Variants in HDAC9 observed in about 807,000 individuals in gnomAD.
HDAC9 encodes the protein histone deacetylase 9, also known as MEF-2 interacting transcription repressor (MITR) protein.
HDAC9 carries 41 observed loss-of-function variants against 139.4 expected under a neutral mutation model. That is an observed-to-expected ratio of 0.29 (90% CI 0.23 to 0.38). The LOEUF (loss-of-function observed/expected upper bound fraction) is 0.38. Among genes scored for constraint, HDAC9 ranks in the 10% least tolerant of loss-of-function variants. The pLI is 1.00. For synonymous variants in HDAC9, 517 were observed against 476.2 expected (o/e 1.09, Z -1.12); for missense variants, 1,147 against 1,297.0 (o/e 0.88, Z 1.78).
At chr7:18,590,031 G>A (rs1187229074) in intron 3 of HDAC9, among the ~76,000 whole-genome samples, 1 of 152,112 alleles carries the variant, frequency 6.6e-6, no homozygotes, top group Non-Finnish European at 1.5e-5. Context: ...TATGTTCAAA[G>A]AAAAGTCATT....
At chr7:18,841,264 A>G (rs1311689723) in intron 21 of HDAC9, among the ~76,000 whole-genome samples, 1 of 151,376 alleles carries the variant, frequency 6.6e-6, no homozygotes, top group African/African-American at 2.4e-5. Flanking sequence ...ATTTGCATTC[A>G]CTCTTTTGGT....
At chr7:18,901,870 T>C (rs1171026070) in intron 22 of HDAC9, among the ~76,000 whole-genome samples, 2 of 152,236 alleles carry the variant, frequency 1.3e-5, no homozygotes, top group African/African-American at 4.8e-5. Flanking sequence ...TTTTTATTTG[T>C]CCCAAGAGTA....
chr7:18,196,552 T>C (rs540534373), intron 2 of HDAC9, among the ~76,000 whole-genome samples: 74 of 152,236 alleles, frequency 4.9e-4, no homozygotes, highest in African/African-American at 1.7e-3. Flanking sequence ...TTCTGAATTA[T>C]GAGATGATGG....
At chr7:18,522,360 T>TAAAGCTCC (rs1272851729) in intron 2 of HDAC9, among the ~76,000 whole-genome samples, 1 of 152,118 alleles carries the variant, frequency 6.6e-6, no homozygotes, top group Non-Finnish European at 1.5e-5. Flanking sequence ...TGGAGAGGAC[T>TAAAGCTCC]AAAGCTCCGT....
chr7:18,355,914 G>A (rs1783223104), intron 1 of HDAC9, among the ~76,000 whole-genome samples: 2 of 152,128 alleles, frequency 1.3e-5, no homozygotes, highest in South Asian at 4.1e-4. Context: ...GCTGGGGCAG[G>A]AATGGGTGGG....
At chr7:18,847,585 G>A (rs1324712037) in intron 21 of HDAC9, among the ~76,000 whole-genome samples, 1 of 152,138 alleles carries the variant, frequency 6.6e-6, no homozygotes, top group African/African-American at 2.4e-5. Context: ...GACGCCTCAG[G>A]AGACTCTACA....
At chr7:18,345,572 CAA>C (rs35183114) in intron 1 of HDAC9, among the ~76,000 whole-genome samples, 7,244 of 123,382 alleles carry the variant, frequency 0.059, 215 homozygotes, top group African/African-American at 0.091. Context: ...CAACAGAAGA[CAA>C]AAAAAAAAAA....
At chr7:18,239,829 G>C (rs1794069453) in intron 2 of HDAC9, among the ~76,000 whole-genome samples, 1 of 152,008 alleles carries the variant, frequency 6.6e-6, no homozygotes, top group Non-Finnish European at 1.5e-5. Context: ...TCACAATACT[G>C]GGTAAAAGTT....
chr7:18,663,797 TC>T, intron 11 of HDAC9, among the ~76,000 whole-genome samples: 1 of 152,224 alleles, frequency 6.6e-6, no homozygotes, highest in East Asian at 1.9e-4. Context: ...GCAGCCTCCT[TC>T]ACCTGGCTTG....
In HDAC9 at chr7:19,001,023, A is replaced by G. The variant is rs1786722234; in HGVS notation, c.*4961A>G. 1 of 152,148 alleles carries G rather than the reference A, an allele frequency of 6.6e-6. No individual in the cohort carries two copies. The highest frequency in any genetic ancestry group is 2.4e-5 in the African/African-American group (1 of 41,444). 9.4% of individuals were successfully genotyped at this position (152,148 alleles called of 1,614,324 possible). Reference sequence around the variant, plus strand: ...TGACTTTTTCAAATATTCTTAAAAGATAGATTTAGTTATTGTATTTTGGTC... The same window carrying G: ...TGACTTTTTCAAATATTCTTAAAAGGTAGATTTAGTTATTGTATTTTGGTC... On this transcript the variant is annotated 3_prime_UTR_variant, in exon 26 of 26. Transcript: ENST00000686413.
rs1387828941 is a variant in HDAC9 at position 18,698,797 on chromosome 7, C to CT, written c.1732-28782dup. On this transcript the variant is annotated intron_variant, in intron 12 of 25. Coordinates refer to ENST00000686413, the MANE Select transcript of HDAC9 (RefSeq NM_178425.4). ...CAGGGAGGAGGCAACTCTGATTTCTCTATTTTTTTCTTTTACAATATTAAT... is the reference window on the plus strand; with the variant it reads ...CAGGGAGGAGGCAACTCTGATTTCTCTTATTTTTTTCTTTTACAATATTAAT... Among the ~76,000 whole-genome samples the CT allele has an allele frequency of 7.2e-5, 11 of 152,176 alleles. 1 individual carries two copies. Among genetic ancestry groups the CT allele is most frequent in the Admixed American group, 6.5e-4 (10 of 15,276 alleles).
intron 24 of HDAC9, among the ~76,000 whole-genome samples, chr7:18,959,035 A>G (rs1029290001): frequency 3.9e-5 from 6 of 152,188 alleles, no homozygotes; most frequent in African/African-American, 1.4e-4. Context: ...AATAACTCTC[A>G]TATGGATGTT....
At chr7:18,231,404 C>T (rs1254334164) in intron 2 of HDAC9, among the ~76,000 whole-genome samples, 1 of 152,190 alleles carries the variant, frequency 6.6e-6, no homozygotes, top group Admixed American at 6.5e-5. Context: ...GTGCTCCCCA[C>T]TACACCAGTC....
At chr7:18,415,263 C>T (rs985146745) in intron 1 of HDAC9, among the ~76,000 whole-genome samples, 31 of 152,196 alleles carry the variant, frequency 2.0e-4, no homozygotes, top group Non-Finnish European at 4.0e-4. Flanking sequence ...TCTGTGTAAA[C>T]TAGAACCCAT....
At chr7:18,995,205 C>G (rs541126821) in intron 25 of HDAC9, among the ~76,000 whole-genome samples, 39 of 152,280 alleles carry the variant, frequency 2.6e-4, no homozygotes, top group African/African-American at 8.9e-4. Flanking sequence ...GCAAAATTAA[C>G]AAATGGCAGA....
At chr7:18,114,083 T>A (rs1783808457) in intron 1 of HDAC9, among the ~76,000 whole-genome samples, 1 of 152,218 alleles carries the variant, frequency 6.6e-6, no homozygotes, top group South Asian at 2.1e-4. Context: ...ATGTATGTTT[T>A]CAGAGTTATA....
intron 17 of HDAC9, among the ~76,000 whole-genome samples, chr7:18,802,679 A>T (rs750878839): frequency 3.3e-5 from 5 of 151,788 alleles, no homozygotes; most frequent in Non-Finnish European, 3.0e-5. Context: ...GATATTTAAA[A>T]ACTCTGTTAT....
intron 1 of HDAC9, among the ~76,000 whole-genome samples, chr7:18,387,440 G>C (rs781245070): frequency 2.1e-4 from 32 of 152,224 alleles, no homozygotes; most frequent in African/African-American, 7.0e-4. Flanking sequence ...CAAATTGCCT[G>C]TGTTGTATTT....
chr7:18,350,044 G>C (rs1782734495), intron 1 of HDAC9, among the ~76,000 whole-genome samples: 1 of 151,906 alleles, frequency 6.6e-6, no homozygotes, highest in Non-Finnish European at 1.5e-5. Context: ...TAATTCAATA[G>C]GTTTTCCAGG....
Sources: allele counts gnomAD v4.1 joint callset (sites outside exome capture counted in the v4.1 genomes callset), GRCh38; gene constraint gnomAD v4.1.1; transcripts MANE v1.5; gene names NCBI Gene and HGNC (gene_info 2026-07-23, HGNC 2026-07-21).